The following HDAC9 variants were observed in gnomAD, a reference collection of about 807,000 sequenced individuals.
HDAC9 encodes histone deacetylase 9.
Under a neutral mutation model 139.4 loss-of-function variants are expected in HDAC9, and 41 were observed. The ratio of observed to expected loss-of-function variants is 0.29; its 90% confidence interval spans 0.23 to 0.38. The LOEUF (loss-of-function observed/expected upper bound fraction) is 0.38. Ranked by LOEUF, HDAC9 falls within the 10% of genes least tolerant of loss-of-function variation. The pLI is 1.00. For synonymous variants in HDAC9, 517 were observed against 476.2 expected (o/e 1.09, Z -1.12); for missense variants, 1,147 against 1,297.0 (o/e 0.88, Z 1.78).
intron 4 of HDAC9, among the ~76,000 whole-genome samples, chr7:18,591,154 C>T (rs192950386): frequency 1.3e-5 from 2 of 152,056 alleles, no homozygotes; most frequent in East Asian, 1.9e-4. Flanking sequence ...GGATCTAATC[C>T]CTCAAGATAA....
chr7:18,486,897 A>G (rs1796014579), intron 1 of HDAC9, among the ~76,000 whole-genome samples: 1 of 152,090 alleles, frequency 6.6e-6, no homozygotes, highest in Admixed American at 6.6e-5. Context: ...GGAAGTGTTT[A>G]GTTATCAAAT....
At chr7:18,833,570 A>G (rs773606425) in intron 19 of HDAC9, among the ~76,000 whole-genome samples, 6 of 152,116 alleles carry the variant, frequency 3.9e-5, no homozygotes, top group African/African-American at 1.2e-4. Context: ...TAATTGTTTC[A>G]CCCTTGTTTA....
At chr7:18,525,962 CATA>C (rs1806750240) in intron 2 of HDAC9, among the ~76,000 whole-genome samples, 1 of 152,212 alleles carries the variant, frequency 6.6e-6, no homozygotes, top group Non-Finnish European at 1.5e-5. Flanking sequence ...CCACCAAAGA[CATA>C]ATGTCTTGTG....
At chr7:18,676,416 C>A (rs1036071484) in intron 12 of HDAC9, among the ~76,000 whole-genome samples, 1 of 150,534 alleles carries the variant, frequency 6.6e-6, no homozygotes, top group African/African-American at 2.4e-5. Context: ...GCAATGATTT[C>A]TTGATCTTAA....
intron 2 of HDAC9, among the ~76,000 whole-genome samples, chr7:18,179,140 C>A (rs1033957566): frequency 3.9e-5 from 6 of 152,188 alleles, no homozygotes; most frequent in Non-Finnish European, 5.9e-5. Context: ...AGATGTGGAA[C>A]AAGCAAGCAC....
chr7:18,815,188 ATCT>A lies in HDAC9; in HGVS notation c.2323-13964_2323-13962del, dbSNP rs557916311. Among the ~76,000 whole-genome samples, 108 of 151,826 alleles carry A rather than the reference ATCT, an allele frequency of 7.1e-4. No homozygotes were observed. In the Middle Eastern group the frequency reaches 0.01, roughly 14 times the overall value. On this transcript the variant is annotated intron_variant, in intron 17 of 25. Coordinates refer to ENST00000686413, the MANE Select transcript of HDAC9 (RefSeq NM_178425.4). Reference sequence around the variant, plus strand: ...AATAGTGTCTTAAAAACAAAAACAAATCTTCTTCTTCCCTAATTTATTTTTTTT... The same window carrying A: ...AATAGTGTCTTAAAAACAAAAACAAATCTTCTTCCCTAATTTATTTTTTTT...
intron 12 of HDAC9, among the ~76,000 whole-genome samples, chr7:18,712,824 A>G (rs982770571): frequency 8.5e-5 from 13 of 152,212 alleles, no homozygotes; most frequent in African/African-American, 3.1e-4. Context: ...GCATAATAAT[A>G]TTATTTTATG....
upstream of HDAC9, among the ~76,000 whole-genome samples, chr7:18,285,896 A>G (rs1417554105): frequency 1.3e-5 from 2 of 152,144 alleles, no homozygotes; most frequent in East Asian, 3.8e-4. Context: ...TAAAGAGACT[A>G]AATTTGGGAT....
chr7:18,125,229 G>A (rs978990653), intron 1 of HDAC9, among the ~76,000 whole-genome samples: 6 of 151,966 alleles, frequency 3.9e-5, no homozygotes, highest in Non-Finnish European at 7.4e-5. Context: ...CCTGCCACCC[G>A]GGACACTGCC....
intron 1 of HDAC9, among the ~76,000 whole-genome samples, chr7:18,391,384 C>G (rs999610032): frequency 6.8e-6 from 1 of 146,400 alleles, no homozygotes; most frequent in African/African-American, 2.5e-5. Context: ...GACGCCATCC[C>G]CCCCCCAAAA....
At chr7:18,864,289 C>T (rs1798325551) in intron 21 of HDAC9, among the ~76,000 whole-genome samples, 1 of 152,136 alleles carries the variant, frequency 6.6e-6, no homozygotes, top group Non-Finnish European at 1.5e-5. Context: ...AGGACAAATA[C>T]TGCATGATTT....
At chr7:18,352,221 T>C (rs1228986505) in intron 1 of HDAC9, among the ~76,000 whole-genome samples, 2 of 152,150 alleles carry the variant, frequency 1.3e-5, no homozygotes, top group Non-Finnish European at 2.9e-5. Context: ...TTCTGAAAAA[T>C]GTACATGAAT....
At chr7:18,463,672 A>C (rs948634531) in intron 1 of HDAC9, among the ~76,000 whole-genome samples, 3 of 151,476 alleles carry the variant, frequency 2.0e-5, no homozygotes, top group African/African-American at 7.3e-5. Context: ...TTCTTTTTCT[A>C]AGTTTTGAAG....
At chr7:18,221,393 A>G (rs1394683189) in intron 2 of HDAC9, among the ~76,000 whole-genome samples, 1 of 151,920 alleles carries the variant, frequency 6.6e-6, no homozygotes, top group African/African-American at 2.4e-5. Flanking sequence ...GCACGAGCCC[A>G]ATTGTATTCC....
intron 22 of HDAC9, among the ~76,000 whole-genome samples, chr7:18,908,626 T>G (rs558083749): frequency 6.6e-6 from 1 of 152,092 alleles, no homozygotes; most frequent in African/African-American, 2.4e-5. Flanking sequence ...CTTCCACATG[T>G]AAGTGAGATT....
chr7:18,287,429 A>G (rs1464177825), upstream of HDAC9, among the ~76,000 whole-genome samples: 2 of 152,228 alleles, frequency 1.3e-5, no homozygotes, highest in Non-Finnish European at 1.5e-5. Flanking sequence ...AAATGTTGTT[A>G]TATGTTTTTG....
At chr7:18,526,225 A>G (rs891470209) in intron 2 of HDAC9, among the ~76,000 whole-genome samples, 12 of 152,302 alleles carry the variant, frequency 7.9e-5, no homozygotes, top group South Asian at 4.1e-4. Context: ...AGTTGTTACT[A>G]TTTGAGAATT....
At chr7:18,404,365 A>G (rs1418715472) in intron 1 of HDAC9, among the ~76,000 whole-genome samples, 1 of 152,174 alleles carries the variant, frequency 6.6e-6, no homozygotes, top group Non-Finnish European at 1.5e-5. Context: ...AAATCATGTA[A>G]ACGATTTATC....
intron 22 of HDAC9, among the ~76,000 whole-genome samples, chr7:18,888,281 C>T (rs1800348876): frequency 6.6e-6 from 1 of 152,090 alleles, no homozygotes; most frequent in Non-Finnish European, 1.5e-5. Flanking sequence ...TAAAATTAGC[C>T]AGGCGTGGTG....
Sources: gnomAD v4.1 joint callset for allele counts (sites outside exome capture counted in the v4.1 genomes callset) on GRCh38, gnomAD v4.1.1 for gene constraint, MANE v1.5 for transcripts, NCBI Gene and HGNC (gene_info 2026-07-23, HGNC 2026-07-21) for gene names.